GALNT13: variants seen among roughly 807,000 people sequenced by gnomAD.
GALNT13 encodes polypeptide N-acetylgalactosaminyltransferase 13.
Under a neutral mutation model 64.2 loss-of-function variants are expected in GALNT13, and 28 were observed. The observed-to-expected ratio is 0.44, with a 90% CI of 0.32 to 0.60. The LOEUF (loss-of-function observed/expected upper bound fraction) is 0.60. GALNT13 is among the 20% of genes least tolerant of loss of function. The pLI is 0.05. For synonymous variants in GALNT13, 214 were observed against 224.6 expected (o/e 0.95, Z 0.42); for missense variants, 577 against 669.8 (o/e 0.86, Z 1.53).
chr2:153,440,607 C>A, the GALNT13 span, among the ~76,000 whole-genome samples: 2 of 152,210 alleles, frequency 1.3e-5, no homozygotes, highest in Non-Finnish European at 2.9e-5. Context: ...TCCTCTCCAG[C>A]ATCTGTTTTT....
At chr2:153,165,992 C>T in the GALNT13 span, among the ~76,000 whole-genome samples, 21 of 152,094 alleles carry the variant, frequency 1.4e-4, no homozygotes, top group South Asian at 2.5e-3. Flanking sequence ...TTAATTTTAC[C>T]GACACAGGAA....
chr2:153,271,069 C>G, the GALNT13 span, among the ~76,000 whole-genome samples: 14 of 152,188 alleles, frequency 9.2e-5, no homozygotes, highest in South Asian at 2.7e-3. Flanking sequence ...ATTCAACACC[C>G]CTTCATGCCA....
chr2:153,173,713 TA>T, the GALNT13 span, among the ~76,000 whole-genome samples: 1 of 152,100 alleles, frequency 6.6e-6, no homozygotes, highest in Non-Finnish European at 1.5e-5. Context: ...CCAACATTGC[TA>T]AAAGTCTTCA....
the GALNT13 span, among the ~76,000 whole-genome samples, chr2:153,413,954 A>G: frequency 6.6e-6 from 1 of 152,232 alleles, no homozygotes; most frequent in Non-Finnish European, 1.5e-5. Context: ...TGTACATCCT[A>G]TGACTATTCT....
chr2:154,225,044 A>G (rs978170726), intron 4 of GALNT13, among the ~76,000 whole-genome samples: 2 of 151,936 alleles, frequency 1.3e-5, no homozygotes, highest in Non-Finnish European at 2.9e-5. Context: ...ATAAACAAAA[A>G]CCCTCCAACA....
chr2:153,200,586 C>G, the GALNT13 span, among the ~76,000 whole-genome samples: 1 of 152,142 alleles, frequency 6.6e-6, no homozygotes, highest in African/African-American at 2.4e-5. Context: ...TCACTGGAAC[C>G]ACAGAATCTA....
the GALNT13 span, among the ~76,000 whole-genome samples, chr2:153,397,623 G>A: frequency 6.6e-6 from 1 of 151,738 alleles, no homozygotes; most frequent in Non-Finnish European, 1.5e-5. Context: ...TTGTTGTCGG[G>A]AGGGAAGGAA....
At chr2:154,272,755 A>T (rs1329771048) in intron 8 of GALNT13, among the ~76,000 whole-genome samples, 1 of 152,130 alleles carries the variant, frequency 6.6e-6, no homozygotes, top group Non-Finnish European at 1.5e-5. Flanking sequence ...TGTCCCTGAA[A>T]TATTCTAATA....
the GALNT13 span, among the ~76,000 whole-genome samples, chr2:153,112,600 T>G: frequency 6.6e-6 from 1 of 152,138 alleles, no homozygotes; most frequent in Non-Finnish European, 1.5e-5. Flanking sequence ...CATGTTAATC[T>G]TCTGTTCCCA....
chr2:153,654,452 A>G, the GALNT13 span, among the ~76,000 whole-genome samples: 8 of 152,008 alleles, frequency 5.3e-5, no homozygotes, highest in African/African-American at 1.9e-4. Flanking sequence ...TTTGTTTGAA[A>G]TGTACACTGA....
the GALNT13 span, among the ~76,000 whole-genome samples, chr2:153,524,561 C>T: frequency 2.6e-5 from 4 of 152,046 alleles, no homozygotes; most frequent in East Asian, 1.9e-4. Flanking sequence ...TCCCTGCAGT[C>T]GTGGGTGGTG....
chr2:154,129,562 C>T (rs1307122536), intron 3 of GALNT13, among the ~76,000 whole-genome samples: 2 of 151,948 alleles, frequency 1.3e-5, no homozygotes, highest in Non-Finnish European at 2.9e-5. Flanking sequence ...GGGTTTGCAA[C>T]CCAGGAAATG....
chr2:153,897,797 G>A (rs1687980759), intron 1 of GALNT13, among the ~76,000 whole-genome samples: 1 of 151,928 alleles, frequency 6.6e-6, no homozygotes, highest in Non-Finnish European at 1.5e-5. Context: ...CCTTAATACA[G>A]TTTAATCCAT....
At chr2:153,494,988 T>C in the GALNT13 span, among the ~76,000 whole-genome samples, 9 of 152,130 alleles carry the variant, frequency 5.9e-5, no homozygotes, top group Middle Eastern at 3.2e-3. Context: ...AATATCTCAA[T>C]TGGGAAAATG....
chr2:154,411,901 A>T (rs928886416), intron 11 of GALNT13, among the ~76,000 whole-genome samples: 9 of 151,766 alleles, frequency 5.9e-5, no homozygotes, highest in African/African-American at 2.2e-4. Context: ...TTGATTGTCC[A>T]TAAAATGAAC....
chr2:153,984,607 TACAA>T (rs937949780), intron 3 of GALNT13, among the ~76,000 whole-genome samples: 6 of 151,894 alleles, frequency 4.0e-5, no homozygotes, highest in African/African-American at 1.2e-4. Context: ...AAGTGTAATT[TACAA>T]ACAATCATAT....
At chr2:154,188,162 C>A (rs976711446) in intron 4 of GALNT13, among the ~76,000 whole-genome samples, 2 of 152,002 alleles carry the variant, frequency 1.3e-5, no homozygotes, top group African/African-American at 4.8e-5. Flanking sequence ...CTCTTTTGAA[C>A]AGATGTACAA....
the GALNT13 span, among the ~76,000 whole-genome samples, chr2:153,678,685 G>C: frequency 4.0e-5 from 6 of 151,878 alleles, no homozygotes; most frequent in South Asian, 1.2e-3. Context: ...AGTTGGAAAG[G>C]GGGGAAAAAA....
chr2:153,881,910 C>T (rs956268944), intron 1 of GALNT13, among the ~76,000 whole-genome samples: 1 of 152,038 alleles, frequency 6.6e-6, no homozygotes. Context: ...TTCTGAAGAA[C>T]ATTATTACTA....
Sources: allele counts gnomAD v4.1 joint callset (sites outside exome capture counted in the v4.1 genomes callset), GRCh38; gene constraint gnomAD v4.1.1; transcripts MANE v1.5; gene names NCBI Gene and HGNC (gene_info 2026-07-23, HGNC 2026-07-21).